The following ORC3 variants were observed in gnomAD, a reference collection of about 807,000 sequenced individuals.
The protein encoded by ORC3 is origin recognition complex subunit 3, also known as homolog of latheo, Drosophila.
ORC3 carries 78 observed loss-of-function variants against 100.7 expected under a neutral mutation model. The ratio of observed to expected loss-of-function variants is 0.77; its 90% CI spans 0.65 to 0.94. The LOEUF (loss-of-function observed/expected upper bound fraction) is 0.94. ORC3 is among the 40% of genes least tolerant of loss of function. The pLI, the probability that ORC3 is intolerant of heterozygous loss-of-function variation, is 0.00. For synonymous variants in ORC3, 295 were observed against 289.3 expected, an observed-to-expected ratio of 1.02 and a Z score of -0.20; for missense variants, 789 against 823.9, an observed-to-expected ratio of 0.96 and a Z score of 0.52.
At chr6:87,672,231 G>T (rs9450767), downstream of ORC3, among the ~76,000 whole-genome samples, 4 of 152,126 alleles carry the variant, frequency 2.6e-5, no homozygotes, top group African/African-American at 9.7e-5. Flanking sequence ...AAAGGAAGGG[G>T]TAATAAACTG....
intron 9 of ORC3, among the ~76,000 whole-genome samples, chr6:87,620,816 A>G (rs888082569): frequency 1.3e-5 from 2 of 152,190 alleles, no homozygotes; most frequent in African/African-American, 2.4e-5. Context: ...ACAGCATTCT[A>G]TTATTAAAAT....
intron 13 of ORC3, among the ~76,000 whole-genome samples, chr6:87,642,652 C>T (rs943507593): frequency 1.3e-5 from 2 of 151,608 alleles, no homozygotes; most frequent in African/African-American, 4.8e-5. Flanking sequence ...CCTGTAATCC[C>T]AGCACTTTGG....
chr6:87,594,853 A>G (rs747274924), intron 2 of ORC3, among the ~76,000 whole-genome samples: 1 of 152,250 alleles, frequency 6.6e-6, no homozygotes, highest in African/African-American at 2.4e-5. Context: ...AATTGGTAAC[A>G]TAAGGAAAAC....
intron 13 of ORC3, among the ~76,000 whole-genome samples, chr6:87,644,389 G>A (rs1768574292): frequency 1.3e-5 from 2 of 151,340 alleles, no homozygotes; most frequent in African/African-American, 2.4e-5. Context: ...CACCGCGCCC[G>A]GCCGGCTGAC....
chr6:87,601,570 T>G (rs865827166), intron 2 of ORC3, among the ~76,000 whole-genome samples: 30 of 151,866 alleles, frequency 2.0e-4, no homozygotes, highest in Middle Eastern at 3.4e-3. Context: ...CTCGGGAGGC[T>G]GAGGCAGGAG....
intron 11 of ORC3, 113 bp from the exon 12 acceptor site, chr6:87,634,732 A>G (rs1458402129): frequency 3.5e-6 from 2 of 571,622 alleles, no homozygotes; most frequent in East Asian, 2.9e-5. Context: ...ATTAATTTGT[A>G]GTTTTGAATC....
chr6:87,624,517 T>A (rs560776519), intron 11 of ORC3, among the ~76,000 whole-genome samples: 108 of 152,258 alleles, frequency 7.1e-4, no homozygotes, highest in African/African-American at 2.3e-3. Context: ...GTGTCTTGAT[T>A]TTTTAGTTTA....
intron 13 of ORC3, among the ~76,000 whole-genome samples, chr6:87,647,714 A>G (rs1768912283): frequency 6.6e-6 from 1 of 152,232 alleles, no homozygotes; most frequent in Non-Finnish European, 1.5e-5. Flanking sequence ...TGTGCATTCA[A>G]TAAATATCTC....
At chr6:87,625,044 C>T (rs1360368331) in intron 11 of ORC3, among the ~76,000 whole-genome samples, 2 of 152,222 alleles carry the variant, frequency 1.3e-5, no homozygotes, top group Non-Finnish European at 2.9e-5. Context: ...TTTATGGCTG[C>T]ATGGTATTCC....
At chr6:87,602,579 C>T (rs1001125123) in intron 3 of ORC3, among the ~76,000 whole-genome samples, 1 of 151,776 alleles carries the variant, frequency 6.6e-6, no homozygotes, top group Non-Finnish European at 1.5e-5. Flanking sequence ...TACTGATTTA[C>T]ACCTAGTGGT....
intron 13 of ORC3, among the ~76,000 whole-genome samples, chr6:87,644,082 T>TTC: frequency 1.6e-5 from 1 of 61,128 alleles, no homozygotes; most frequent in Non-Finnish European, 3.3e-5. Flanking sequence ...GACTGTCCTT[T>TTC]TTTTTTTTTT....
chr6:87,627,252 G>T (rs1779980647), intron 11 of ORC3, among the ~76,000 whole-genome samples: 2 of 148,102 alleles, frequency 1.4e-5, no homozygotes, highest in Admixed American at 1.4e-4. Context: ...ACCCGCCTCG[G>T]CCCCGCAAAG....
At chr6:87,645,417 A>G (rs1768683708) in intron 13 of ORC3, among the ~76,000 whole-genome samples, 1 of 152,332 alleles carries the variant, frequency 6.6e-6, no homozygotes, top group Non-Finnish European at 1.5e-5. Context: ...ATCATCCTAC[A>G]TAATTGCTTT....
At chr6:87,673,686 C>T in the ORC3 span, among the ~76,000 whole-genome samples, 1 of 151,796 alleles carries the variant, frequency 6.6e-6, no homozygotes, top group African/African-American at 2.4e-5. Context: ...ACTAAAAATA[C>T]AAAAATTAGC....
At chr6:87,637,562 T>C (rs1303567774) in intron 13 of ORC3, among the ~76,000 whole-genome samples, 3 of 152,244 alleles carry the variant, frequency 2.0e-5, no homozygotes, top group Admixed American at 6.5e-5. Context: ...TTTCTGAGAC[T>C]TATTTTGCTT....
At chr6:87,655,100 ATGCTATCTGTG>A (rs1769570608) in intron 14 of ORC3, among the ~76,000 whole-genome samples, 1 of 152,228 alleles carries the variant, frequency 6.6e-6, no homozygotes, top group Admixed American at 6.5e-5. Flanking sequence ...ATTTGGCTAT[ATGCTATCTGTG>A]TTCCTTAACA....
rs775401785 is a variant in ORC3, at chr6:87,664,771, G to A, written c.1862G>A (p.Cys621Tyr). 2 of 1,614,034 alleles carry A rather than the reference G, an allele frequency of 1.2e-6. No homozygotes were observed. The highest frequency in any genetic ancestry group is 2.2e-5 in the East Asian group (1 of 44,872). The change falls in exon 18 of 20, where the codon TGC becomes TAC. Residue 621 changes from cysteine to tyrosine, a missense_variant. Physicochemically the swap from Cys to Tyr is radical, Grantham distance 194. Transcript: ENST00000392844. Reference sequence around the variant, plus strand: ...GAAGCACTGAAAAGCGAAGAAGGCTGCATTCCGAATATCGCCCCAGACATC... The same window carrying A: ...GAAGCACTGAAAAGCGAAGAAGGCTACATTCCGAATATCGCCCCAGACATC... ...KNEALKSEEG[C>Y]IPNIAPDICI...
intron 3 of ORC3, among the ~76,000 whole-genome samples, chr6:87,602,954 AATATATATAT>A (rs397935596): frequency 1.0e-5 from 1 of 95,300 alleles, no homozygotes; most frequent in Non-Finnish European, 2.1e-5. Context: ...ACACATATAT[AATATATATAT>A]ATATATACAT....
intron 9 of ORC3, among the ~76,000 whole-genome samples, chr6:87,620,087 A>T (rs1041071314): frequency 1.3e-5 from 2 of 152,224 alleles, no homozygotes; most frequent in African/African-American, 4.8e-5. Flanking sequence ...AGATATTGAA[A>T]ACACACTTGA....
Sources: gnomAD v4.1 joint callset for allele counts (sites outside exome capture counted in the v4.1 genomes callset) on GRCh38, gnomAD v4.1.1 for gene constraint, MANE v1.5 for transcripts, NCBI Gene and HGNC (gene_info 2026-07-23, HGNC 2026-07-21) for gene names.